DOCK4: variants seen among roughly 807,000 people sequenced by gnomAD.
The protein encoded by DOCK4 is dedicator of cytokinesis protein 4.
DOCK4 carries 97 observed loss-of-function variants against 268.1 expected under a neutral mutation model. The observed-to-expected ratio is 0.36, with a 90% CI of 0.31 to 0.43. DOCK4 has a LOEUF of 0.43. Ranked by LOEUF, DOCK4 falls within the 20% of genes least tolerant of loss-of-function variation. The pLI, the probability that DOCK4 is intolerant of heterozygous loss-of-function variation, is 1.00. For missense variants in DOCK4, 2,145 were observed against 2,455.7 expected (o/e 0.87, Z 2.67); for synonymous variants, 954 against 887.2 (o/e 1.08, Z -1.34).
At position 111,783,023 on chromosome 7, in the gene DOCK4, A is replaced by G. The variant is rs1362986765; in HGVS notation, c.3525-99T>C. 577 of 1,170,130 alleles carry G rather than the reference A, an allele frequency of 4.9e-4. 1 individual carries two copies. In the African/African-American group the frequency reaches 6.9e-3, roughly 14 times the overall value. The allele number at this position is 1,170,130 out of a possible 1,614,324, so 72.5% of individuals were successfully genotyped here. ...GAAAAAAAGAAAGAAAGAAAGAAAA[A>G]AAAAAAAAAAGAAGCCACTTTTAGG... On this transcript the variant is annotated intron_variant, in intron 34 of 52. Transcript: ENST00000428084.
intron 1 of DOCK4, among the ~76,000 whole-genome samples, chr7:112,152,788 A>C (rs1816227719): frequency 6.6e-6 from 1 of 152,092 alleles, no homozygotes; most frequent in South Asian, 2.1e-4. Flanking sequence ...ATCCAGCCTA[A>C]AGTCTTGATT....
chr7:111,890,680 G>A (rs145191014), intron 16 of DOCK4, among the ~76,000 whole-genome samples: 12 of 152,180 alleles, frequency 7.9e-5, no homozygotes, highest in African/African-American at 2.6e-4. Context: ...ATAACAGCTC[G>A]GTAAGAACGG....
chr7:111,872,933 A>G (rs918825739), intron 17 of DOCK4, among the ~76,000 whole-genome samples: 3 of 152,174 alleles, frequency 2.0e-5, no homozygotes, highest in Non-Finnish European at 4.4e-5. Flanking sequence ...TTGTTGATTA[A>G]TTTTTCTGCC....
chr7:111,835,869 C>T (rs1803198588), intron 25 of DOCK4, among the ~76,000 whole-genome samples: 1 of 152,100 alleles, frequency 6.6e-6, no homozygotes, highest in Non-Finnish European at 1.5e-5. Context: ...TCAAGGCAAC[C>T]AGGTACTCAG....
intron 1 of DOCK4, among the ~76,000 whole-genome samples, chr7:112,056,865 A>G (rs539517957): frequency 2.1e-4 from 32 of 152,326 alleles, no homozygotes; most frequent in Admixed American, 7.8e-4. Context: ...AATTTTATAT[A>G]CAAGGTTGAA....
At chr7:112,025,494 A>G (rs770172636) in intron 1 of DOCK4, among the ~76,000 whole-genome samples, 1 of 152,036 alleles carries the variant, frequency 6.6e-6, no homozygotes, top group Non-Finnish European at 1.5e-5. Context: ...AGGATAGCCA[A>G]CTCTATCAGT....
At chr7:112,083,772 T>C (rs539159637) in intron 1 of DOCK4, among the ~76,000 whole-genome samples, 77 of 152,296 alleles carry the variant, frequency 5.1e-4, no homozygotes, top group Middle Eastern at 6.8e-3. Flanking sequence ...TAACTACATA[T>C]AGTATGGAAC....
chr7:111,842,973 G>A (rs1206804335), intron 25 of DOCK4, among the ~76,000 whole-genome samples: 1 of 152,150 alleles, frequency 6.6e-6, no homozygotes, highest in African/African-American at 2.4e-5. Flanking sequence ...AAGATCCAGA[G>A]CTTTATAATA....
chr7:112,048,736 AC>A (rs1327422304), intron 1 of DOCK4, among the ~76,000 whole-genome samples: 1 of 151,626 alleles, frequency 6.6e-6, no homozygotes, highest in Non-Finnish European at 1.5e-5. Context: ...GAAAAAAAAA[AC>A]ATCAACCTAG....
At chr7:112,004,410 G>T (rs977647784) in intron 1 of DOCK4, among the ~76,000 whole-genome samples, 3 of 152,040 alleles carry the variant, frequency 2.0e-5, no homozygotes, top group African/African-American at 7.2e-5. Flanking sequence ...TATAAACAAA[G>T]GTATTGCCTG....
rs141309792 is a variant in DOCK4, at chr7:111,878,014, T to C, written c.1588-828A>G. On this transcript the variant is annotated intron_variant, in intron 16 of 52. Coordinates refer to ENST00000428084, the MANE Select transcript of DOCK4 (RefSeq NM_001363540.2). ...ATCTACAATGCATTCTTACCAAAAG[T>C]GCTGAACCCCAGTCCATCACATCTA... is the stretch of plus-strand genomic sequence containing the variant. 5.4e-3 allele frequency among the ~76,000 whole-genome samples: 825 copies of C among 152,272 alleles called. 6 individuals are homozygous for C. Among genetic ancestry groups the C allele is most frequent in the African/African-American group, 0.018 (749 of 41,542 alleles).
At chr7:112,098,415 G>A (rs904233709) in intron 1 of DOCK4, among the ~76,000 whole-genome samples, 5 of 151,782 alleles carry the variant, frequency 3.3e-5, no homozygotes, top group African/African-American at 9.7e-5. Context: ...CTGACCTCAT[G>A]AGCCCCCCAC....
chr7:111,816,092 C>A (rs945418340), intron 27 of DOCK4, among the ~76,000 whole-genome samples: 2 of 152,082 alleles, frequency 1.3e-5, no homozygotes, highest in African/African-American at 4.8e-5. Flanking sequence ...CCAGTTGCCA[C>A]CTCATTTTGG....
chr7:111,790,338 G>A, intron 31 of DOCK4, 119 bp downstream of exon 31: 2 of 1,234,722 alleles, frequency 1.6e-6, no homozygotes, highest in Non-Finnish European at 2.2e-6. Flanking sequence ...AGGCCAGGCT[G>A]GAATCTAGGT....
At chr7:112,091,195 C>T (rs766405849) in intron 1 of DOCK4, among the ~76,000 whole-genome samples, 2 of 152,152 alleles carry the variant, frequency 1.3e-5, no homozygotes, top group Non-Finnish European at 2.9e-5. Flanking sequence ...GTGTTCCTAC[C>T]AACTAATTCG....
At chr7:112,144,987 C>T (rs1423600694) in intron 1 of DOCK4, among the ~76,000 whole-genome samples, 1 of 152,104 alleles carries the variant, frequency 6.6e-6, no homozygotes, top group Non-Finnish European at 1.5e-5. Context: ...TAAAGTACTA[C>T]ACTTAAGCTA....
intron 8 of DOCK4, among the ~76,000 whole-genome samples, chr7:111,974,612 G>C (rs1798026306): frequency 6.7e-6 from 1 of 150,294 alleles, no homozygotes; most frequent in South Asian, 2.1e-4. Flanking sequence ...CAAAAGGGGA[G>C]GGTGAAGGCA....
chr7:112,153,024 T>C (rs1013390450), intron 1 of DOCK4, among the ~76,000 whole-genome samples: 1 of 152,180 alleles, frequency 6.6e-6, no homozygotes, highest in Non-Finnish European at 1.5e-5. Context: ...CTTTCAAAAG[T>C]AAATTAAAGC....
intron 1 of DOCK4, among the ~76,000 whole-genome samples, chr7:112,162,565 C>G (rs771475782): frequency 2.0e-5 from 3 of 151,998 alleles, no homozygotes; most frequent in Non-Finnish European, 4.4e-5. Context: ...CCACACACCC[C>G]ACTCCCCTCT....
Sources: gnomAD v4.1 joint callset for allele counts (sites outside exome capture counted in the v4.1 genomes callset) on GRCh38, gnomAD v4.1.1 for gene constraint, MANE v1.5 for transcripts, NCBI Gene and HGNC (gene_info 2026-07-23, HGNC 2026-07-21) for gene names.